The following SPAG16 variants were observed in gnomAD, a reference collection of about 807,000 sequenced individuals.
The protein encoded by SPAG16 is sperm associated antigen 16.
In SPAG16, 86 loss-of-function variants were observed where a neutral mutation model predicts 80.4. The ratio of observed to expected loss-of-function variants is 1.07; its 90% CI spans 0.90 to 1.28. The LOEUF (loss-of-function observed/expected upper bound fraction) is 1.28. Ranked by LOEUF, SPAG16 falls within the 50% of genes most tolerant of loss-of-function variation. SPAG16 has a pLI of 0.00. For synonymous variants in SPAG16, 294 were observed against 265.9 expected (o/e 1.11, Z -1.03); for missense variants, 870 against 765.3 (o/e 1.14, Z -1.61).
intron 3 of SPAG16, among the ~76,000 whole-genome samples, chr2:213,302,233 G>C (rs945257517): frequency 2.6e-5 from 4 of 152,084 alleles, no homozygotes; most frequent in African/African-American, 9.7e-5. Flanking sequence ...TAGATTGCTT[G>C]CTTTTTTGTG....
At chr2:214,259,221 A>C (rs2125866930) in intron 15 of SPAG16, among the ~76,000 whole-genome samples, 1 of 152,114 alleles carries the variant, frequency 6.6e-6, no homozygotes, top group Non-Finnish European at 1.5e-5. Flanking sequence ...TAAAACTACA[A>C]GTCTGTCTCT....
At chr2:214,237,877 T>C (rs1162635602) in intron 15 of SPAG16, among the ~76,000 whole-genome samples, 1 of 152,124 alleles carries the variant, frequency 6.6e-6, no homozygotes, top group Admixed American at 6.6e-5. Flanking sequence ...TAGATGCAGA[T>C]TAAAACTAAT....
rs879629337 is a variant in SPAG16 at position 214,108,481 on chromosome 2, C to CACACACA, written c.1593+220_1593+221insACACACA. ...CACACACACACACACACACACACAC[C>CACACACA]CCCACACACACCCCAAGTCGTAGCA... On this transcript the variant is annotated intron_variant, in intron 14 of 15. Coordinates refer to ENST00000331683, the MANE Select transcript of SPAG16 (RefSeq NM_024532.5). 9.2e-3 allele frequency among the ~76,000 whole-genome samples: 690 copies of CACACACA among 74,818 alleles called. 3 individuals carry two copies. Among genetic ancestry groups the CACACACA allele is most frequent in the Non-Finnish European group, 0.01 (412 of 39,398 alleles). 49.1% of individuals were successfully genotyped at this position (74,818 alleles called of 152,430 possible).
At position 213,412,066 on chromosome 2, in the gene SPAG16, ATCTGATTACCTACTCCACCCTGACTCAT is replaced by A. The variant is rs1332085329; in HGVS notation, c.942+36954_942+36981del. ...GCAACCTTTTTCGTTTCCCTGACTC[ATCTGATTACCTACTCCACCCTGACTCAT>A]TCTGATCACCTACTCCACCCTAACT... On this transcript the variant is annotated intron_variant, in intron 9 of 15. Coordinates refer to ENST00000331683, the MANE Select transcript of SPAG16 (RefSeq NM_024532.5). 2.0e-5 allele frequency among the ~76,000 whole-genome samples: 3 copies of A among 152,172 alleles called. No individual in the cohort carries two copies. In the East Asian group the frequency reaches 5.8e-4, roughly 29 times the overall value.
chr2:214,204,643 A>AGG (rs1405194621), intron 15 of SPAG16, among the ~76,000 whole-genome samples: 7 of 152,230 alleles, frequency 4.6e-5, no homozygotes, highest in Non-Finnish European at 8.8e-5. Context: ...CACCACATCA[A>AGG]GGGAGCACCC....
chr2:213,594,034 C>A (rs1434899817), intron 10 of SPAG16, among the ~76,000 whole-genome samples: 1 of 151,818 alleles, frequency 6.6e-6, no homozygotes, highest in African/African-American at 2.4e-5. Context: ...CTCGGCCTCC[C>A]AAAGTGCTGG....
chr2:213,773,803 C>G (rs931118760), intron 10 of SPAG16, among the ~76,000 whole-genome samples: 1 of 152,174 alleles, frequency 6.6e-6, no homozygotes, highest in Non-Finnish European at 1.5e-5. Flanking sequence ...CCACCCGCCT[C>G]AGCCTCCCAA....
At chr2:213,304,917 G>A (rs970676468) in intron 3 of SPAG16, among the ~76,000 whole-genome samples, 4 of 151,980 alleles carry the variant, frequency 2.6e-5, no homozygotes. Context: ...AATGTCATTG[G>A]CATTTTATTT....
At chr2:213,689,166 G>GCCA (rs1329534175) in intron 10 of SPAG16, among the ~76,000 whole-genome samples, 2 of 152,088 alleles carry the variant, frequency 1.3e-5, no homozygotes, top group African/African-American at 4.8e-5. Context: ...CACCATCTTG[G>GCCA]CCAGGCTGGT....
intron 10 of SPAG16, among the ~76,000 whole-genome samples, chr2:213,680,357 C>A (rs560492485): frequency 6.6e-6 from 1 of 151,548 alleles, no homozygotes; most frequent in South Asian, 2.1e-4. Context: ...ACCAGAGGGC[C>A]TTAGTTTTGG....
At chr2:213,896,386 G>A (rs1246813545) in intron 11 of SPAG16, among the ~76,000 whole-genome samples, 16 of 151,692 alleles carry the variant, frequency 1.1e-4, no homozygotes, top group Admixed American at 1.1e-3. Context: ...AGAACAGCAT[G>A]GAGATACCTA....
intron 10 of SPAG16, among the ~76,000 whole-genome samples, chr2:213,529,434 T>C (rs1335539879): frequency 6.6e-6 from 1 of 152,186 alleles, no homozygotes; most frequent in Non-Finnish European, 1.5e-5. Flanking sequence ...AGGTGAACAA[T>C]GGGCTCTCCT....
intron 15 of SPAG16, among the ~76,000 whole-genome samples, chr2:214,169,584 G>C (rs1313653820): frequency 2.0e-5 from 3 of 151,986 alleles, no homozygotes; most frequent in Non-Finnish European, 4.4e-5. Context: ...GCCTTCCCTT[G>C]AGTGTAAGAC....
chr2:214,263,213 G>C (rs1486947252), intron 15 of SPAG16, among the ~76,000 whole-genome samples: 1 of 151,990 alleles, frequency 6.6e-6, no homozygotes, highest in Non-Finnish European at 1.5e-5. Flanking sequence ...GGTTCACTGA[G>C]GGCACAGGTG....
chr2:213,947,218 G>A (rs2079518700), intron 12 of SPAG16, among the ~76,000 whole-genome samples: 1 of 152,140 alleles, frequency 6.6e-6, no homozygotes, highest in African/African-American at 2.4e-5. Flanking sequence ...GTCCATGAAT[G>A]CAGTTCCTGG....
At chr2:214,362,685 A>G (rs549098379) in intron 15 of SPAG16, among the ~76,000 whole-genome samples, 2 of 151,998 alleles carry the variant, frequency 1.3e-5, no homozygotes, top group Non-Finnish European at 2.9e-5. Context: ...AATACCTTAT[A>G]TCAGTTCCTC....
At chr2:213,600,971 G>A (rs1450019450) in intron 10 of SPAG16, among the ~76,000 whole-genome samples, 1 of 152,130 alleles carries the variant, frequency 6.6e-6, no homozygotes, top group African/African-American at 2.4e-5. Context: ...CACACAATGA[G>A]GTACAGATTT....
intron 9 of SPAG16, among the ~76,000 whole-genome samples, chr2:213,411,628 C>T (rs188683232): frequency 4.6e-5 from 7 of 152,248 alleles, no homozygotes; most frequent in East Asian, 3.9e-4. Flanking sequence ...ATGAGTTAGC[C>T]GGTAACTCAG....
intron 10 of SPAG16, among the ~76,000 whole-genome samples, chr2:213,628,916 A>G (rs1221159572): frequency 6.6e-6 from 1 of 152,168 alleles, no homozygotes; most frequent in African/African-American, 2.4e-5. Flanking sequence ...TGTATTAAGC[A>G]CTATGGTAGA....
Sources: allele counts gnomAD v4.1 joint callset (sites outside exome capture counted in the v4.1 genomes callset), GRCh38; gene constraint gnomAD v4.1.1; transcripts MANE v1.5; gene names NCBI Gene and HGNC (gene_info 2026-07-23, HGNC 2026-07-21).